Variants in WWOX observed in about 807,000 individuals in gnomAD.
The protein encoded by WWOX is WW domain containing oxidoreductase.
Under a neutral mutation model 46.2 loss-of-function variants are expected in WWOX, and 69 were observed. The observed-to-expected ratio is 1.49, with a 90% confidence interval of 1.23 to 1.82. The LOEUF is 1.82. Ranked by LOEUF, WWOX falls within the 40% of genes most tolerant of loss-of-function variation. The pLI is 0.00. For missense variants in WWOX, 919 were observed against 542.6 expected (o/e 1.69, Z -6.89); for synonymous variants, 359 against 202.6 (o/e 1.77, Z -6.56).
chr16:78,934,508 C>CAAAAA (rs760272326), intron 8 of WWOX, among the ~76,000 whole-genome samples: 15 of 73,890 alleles, frequency 2.0e-4, no homozygotes, highest in South Asian at 6.0e-4. Flanking sequence ...AACCCTGTAT[C>CAAAAA]AAAAAAAAAA....
chr16:78,333,041 T>C (rs1176343858), intron 5 of WWOX, among the ~76,000 whole-genome samples: 6 of 125,668 alleles, frequency 4.8e-5, no homozygotes, highest in African/African-American at 9.4e-5. Context: ...AAGAGCATTA[T>C]ACTTTTTTTT....
chr16:78,256,311 C>A (rs7203837), intron 5 of WWOX, among the ~76,000 whole-genome samples: 2 of 151,690 alleles, frequency 1.3e-5, no homozygotes, highest in Admixed American at 1.3e-4. Flanking sequence ...AAATTGTCAC[C>A]CCCTGTCAGC....
chr16:78,479,811 C>G (rs886822570), intron 8 of WWOX, among the ~76,000 whole-genome samples: 4 of 152,184 alleles, frequency 2.6e-5, no homozygotes, highest in African/African-American at 4.8e-5. Flanking sequence ...AAGACCCAAA[C>G]TATGAATGAA....
chr16:78,840,811 A>G (rs888935737), intron 8 of WWOX, among the ~76,000 whole-genome samples: 1 of 150,142 alleles, frequency 6.7e-6, no homozygotes, highest in South Asian at 2.1e-4. Context: ...GTAGGTATAT[A>G]TATTTGTGGT....
intron 5 of WWOX, among the ~76,000 whole-genome samples, chr16:78,350,107 C>G (rs34221797): frequency 8.3e-6 from 1 of 120,598 alleles, no homozygotes; most frequent in Admixed American, 8.1e-5. Flanking sequence ...ACCGTGATCT[C>G]CAACAGCTAG....
At chr16:78,689,217 T>G (rs966228403) in intron 8 of WWOX, among the ~76,000 whole-genome samples, 20 of 152,216 alleles carry the variant, frequency 1.3e-4, no homozygotes, top group Admixed American at 5.9e-4. Context: ...AGTGACCTTG[T>G]TGAGAAATGC....
intron 5 of WWOX, among the ~76,000 whole-genome samples, chr16:78,191,455 A>C (rs890709577): frequency 6.6e-6 from 1 of 152,236 alleles, no homozygotes; most frequent in Non-Finnish European, 1.5e-5. Flanking sequence ...GGCTTTGAAA[A>C]ATATGCCGCC....
intron 8 of WWOX, among the ~76,000 whole-genome samples, chr16:79,019,890 T>C (rs765767713): frequency 1.3e-5 from 2 of 152,214 alleles, no homozygotes; most frequent in Admixed American, 1.3e-4. Context: ...CTCAATGTTC[T>C]TTTCCCTCTA....
chr16:78,686,467 T>C (rs991091800), intron 8 of WWOX, among the ~76,000 whole-genome samples: 1 of 151,026 alleles, frequency 6.6e-6, no homozygotes, highest in Non-Finnish European at 1.5e-5. Context: ...GCAGAGATGG[T>C]GCCACTGTAC....
At chr16:78,682,568 G>A (rs2047755002) in intron 8 of WWOX, among the ~76,000 whole-genome samples, 1 of 152,128 alleles carries the variant, frequency 6.6e-6, no homozygotes, top group African/African-American at 2.4e-5. Flanking sequence ...GGGTGATAGA[G>A]CGAGACCCTG....
chr16:78,752,441 C>A (rs1484780912), intron 8 of WWOX, among the ~76,000 whole-genome samples: 1 of 152,166 alleles, frequency 6.6e-6, no homozygotes, highest in East Asian at 1.9e-4. Context: ...GCACACACCA[C>A]CACACCTGGC....
intron 8 of WWOX, among the ~76,000 whole-genome samples, chr16:78,942,659 AAATGG>A (rs1173487957): frequency 6.6e-5 from 10 of 152,246 alleles, no homozygotes; most frequent in African/African-American, 2.4e-4. Flanking sequence ...CATGAAGAGA[AAATGG>A]AATGGAATGA....
intron 8 of WWOX, among the ~76,000 whole-genome samples, chr16:78,739,156 C>A (rs752433863): frequency 6.6e-6 from 1 of 151,942 alleles, no homozygotes; most frequent in Non-Finnish European, 1.5e-5. Context: ...TTCTGAGTTC[C>A]CAGAGCTAGG....
intron 6 of WWOX, among the ~76,000 whole-genome samples, chr16:78,387,602 G>C (rs991066057): frequency 1.7e-4 from 26 of 151,606 alleles, no homozygotes; most frequent in African/African-American, 1.2e-4. Context: ...TGGGGAGACA[G>C]AGAGACAGAC....
chr16:78,493,854 A>T (rs569450338), intron 8 of WWOX, among the ~76,000 whole-genome samples: 5 of 152,218 alleles, frequency 3.3e-5, no homozygotes, highest in African/African-American at 1.2e-4. Context: ...ATGTCTGATC[A>T]TCGTCAATTT....
chr16:78,606,039 C>CA (rs2045748816), intron 8 of WWOX, among the ~76,000 whole-genome samples: 2 of 152,188 alleles, frequency 1.3e-5, no homozygotes, highest in Non-Finnish European at 2.9e-5. Context: ...AGTTAGGAGA[C>CA]ACATTCTGCT....
At chr16:78,436,899 C>T (rs1337555124) in intron 8 of WWOX, among the ~76,000 whole-genome samples, 1 of 152,282 alleles carries the variant, frequency 6.6e-6, no homozygotes, top group East Asian at 1.9e-4. Flanking sequence ...TATTTGAATG[C>T]AGACATATTT....
At chr16:78,436,898 G>T (rs564861185) in intron 8 of WWOX, among the ~76,000 whole-genome samples, 1 of 152,212 alleles carries the variant, frequency 6.6e-6, no homozygotes, top group African/African-American at 2.4e-5. Flanking sequence ...CTATTTGAAT[G>T]CAGACATATT....
At chr16:78,759,889 C>T (rs2049748546) in intron 8 of WWOX, among the ~76,000 whole-genome samples, 1 of 152,150 alleles carries the variant, frequency 6.6e-6, no homozygotes, top group South Asian at 2.1e-4. Flanking sequence ...AGGCTGCTGG[C>T]ATTTTTCAGC....
Sources: allele counts gnomAD v4.1 joint callset (sites outside exome capture counted in the v4.1 genomes callset), GRCh38; gene constraint gnomAD v4.1.1; transcripts MANE v1.5; gene names NCBI Gene and HGNC (gene_info 2026-07-23, HGNC 2026-07-21).